The following GRID2IP variants were observed in gnomAD, a reference collection of about 807,000 sequenced individuals.
GRID2IP encodes delphilin.
GRID2IP carries 78 observed loss-of-function variants against 114.3 expected under a neutral mutation model. That is an observed-to-expected ratio of 0.68 (90% CI 0.57 to 0.82). The LOEUF (loss-of-function observed/expected upper bound fraction) is 0.82. Among genes scored for constraint, GRID2IP ranks in the 40% least tolerant of loss-of-function variants. GRID2IP has a pLI of 0.00. For missense variants in GRID2IP, 1,727 were observed against 1,678.5 expected (o/e 1.03, Z -0.51); for synonymous variants, 809 against 724.0 (o/e 1.12, Z -1.89).
At chr7:6,497,970 CCT>C in intron 21 of GRID2IP, 92 bp downstream of exon 21, 1 of 1,425,452 alleles carries the variant, frequency 7.0e-7, no homozygotes, top group Non-Finnish European at 9.5e-7. Flanking sequence ...CACTGGAGCC[CCT>C]TTCCCAGCCC....
At position 6,512,231 on chromosome 7, in the gene GRID2IP, C is replaced by CTTTTTTTTTTTTTTTTTT. The variant is rs1002835555; in HGVS notation, c.1424-1210_1424-1193dup. On this transcript the variant is annotated intron_variant, in intron 8 of 21. Coordinates refer to ENST00000457091, the MANE Select transcript of GRID2IP (RefSeq NM_001145118.2). ...CACACCTGCCTTTTTTTCTTTTCTTCTTTTTTTTTTTTTTTTTTGTGACAG... is the reference window on the plus strand; with the variant it reads ...CACACCTGCCTTTTTTTCTTTTCTTCTTTTTTTTTTTTTTTTTTTTTTTTTTTTTTTTTTTTGTGACAG... 3.3e-3 allele frequency among the ~76,000 whole-genome samples: 301 copies of CTTTTTTTTTTTTTTTTTT among 90,182 alleles called. 39 individuals carry two copies. The highest frequency in any genetic ancestry group is 0.01 in the African/African-American group (226 of 21,700). The allele number at this position is 90,182 out of a possible 152,430, so 59.2% of individuals were successfully genotyped here. A position where few individuals can be genotyped will look rare whatever the true frequency, so the allele number is the denominator to read the frequency against.
At position 6,505,961 on chromosome 7, in the gene GRID2IP, G is replaced by T. The variant is rs1056440029; in HGVS notation, c.2545-54C>A. 4.0e-6 allele frequency: 5 copies of T among 1,259,502 alleles called. No individual in the cohort carries two copies. In the Admixed American group the frequency reaches 6.0e-5, roughly 15 times the overall value. The allele number at this position is 1,259,502 out of a possible 1,614,324, so 78.0% of individuals were successfully genotyped here. On this transcript the variant is annotated intron_variant, in intron 13 of 21. Coordinates refer to ENST00000457091, the MANE Select transcript of GRID2IP (RefSeq NM_001145118.2). ...AGGAGGAGCAGCAGCAGCTGGACTG[G>T]CCTCCCACTTCCCACCCTCTGAGGG...
chr7:6,526,267 T>G lies in GRID2IP; in HGVS notation c.876A>C (p.Thr292=). 1 of 1,551,860 alleles carries G rather than the reference T, an allele frequency of 6.4e-7. No individual in the cohort carries two copies. The highest frequency in any genetic ancestry group is 8.7e-7 in the Non-Finnish European group (1 of 1,147,012). Residue 292 remains threonine (T), a synonymous_variant, in exon 4 of 22, where the codon ACA becomes ACC. Transcript: ENST00000457091. This position sits in a 1 kb window ranked among gnomAD's most constrained non-coding sequence, Gnocchi z 7.6. ...TCCAGACAGGCCCGTGGCCGCGAAG[T>G]GTGAAGCCGAAGCTCTTGTTGCCTT... The part of the protein sequence containing the change: ...VYKGNKSFGF[T]LRGHGPVWIE...
In GRID2IP at chr7:6,502,877, G is replaced by A; in HGVS notation, c.3064-5C>T. 1 of 1,550,994 alleles carries A rather than the reference G, an allele frequency of 6.4e-7. No homozygotes were observed. Among genetic ancestry groups the A allele is most frequent in the Non-Finnish European group, 8.7e-7 (1 of 1,146,254 alleles). On this transcript the variant is annotated splice_polypyrimidine_tract_variant and splice_region_variant and intron_variant, in intron 17 of 21. Transcript: ENST00000457091. ...GTTGCCCATGGCCAACACAAACTGT[G>A]GACAAGAAGGTGGGTAGGTCCTGTC...
chr7:6,497,935 C>T, intron 21 of GRID2IP, 90 bp from the exon 22 acceptor site: 1 of 1,410,240 alleles, frequency 7.1e-7, no homozygotes, highest in Non-Finnish European at 9.7e-7. Flanking sequence ...GACAGCCCAT[C>T]AGGGGGTTAG....
Position 6,498,138 on chromosome 7 carries a change from A to G in GRID2IP, c.3490T>C (p.Phe1164Leu). The G allele has an allele frequency of 6.4e-7, 1 of 1,551,678 alleles. No homozygotes were observed. Among genetic ancestry groups the G allele is most frequent in the Non-Finnish European group, 8.7e-7 (1 of 1,146,942 alleles). ...MEELGKALAFFGEDSKATTSE... is the reference protein window; with the variant it reads ...MEELGKALAFLGEDSKATTSE... ...GTGGTGGCCTTGGAATCCTCCCCAA[A>G]GAAGGCCAGCGCCTTGCCCAGCTCC... The change falls in exon 21 of 22, where the codon TTT becomes CTT. Residue 1164 changes from phenylalanine (F) to leucine (L), a missense_variant. Transcript: ENST00000457091.
Position 6,497,668 on chromosome 7 carries a change from T to C in GRID2IP, c.*106A>G, listed in dbSNP as rs1786292328. 3.9e-6 allele frequency: 3 copies of C among 773,258 alleles called. No homozygotes were observed. Among genetic ancestry groups the C allele is most frequent in the Admixed American group, 2.9e-5 (1 of 34,392 alleles). The allele number at this position is 773,258 out of a possible 1,614,324, so 47.9% of individuals were successfully genotyped here. ...GTAGCTGCAGGAGAGGCTGGCGGTG[T>C]GCTCAGAGCCCGGGGCACAGTGGCC... On this transcript the variant is annotated 3_prime_UTR_variant, in exon 22 of 22. Coordinates refer to ENST00000457091, the MANE Select transcript of GRID2IP (RefSeq NM_001145118.2).
At position 6,519,480 on chromosome 7, in the gene GRID2IP, A is replaced by G. The variant is rs1221654489; in HGVS notation, c.1268+1098T>C. On this transcript the variant is annotated intron_variant, in intron 7 of 21. Coordinates refer to ENST00000457091, the MANE Select transcript of GRID2IP (RefSeq NM_001145118.2). This position sits in a 1 kb window ranked among gnomAD's most constrained non-coding sequence, Gnocchi z 4.1. ...TTAAAAAACAAAACCAAACCAGGCC[A>G]GGTGCGGTGACTCATGCCTGTAATC... 6.6e-6 allele frequency among the ~76,000 whole-genome samples: 1 copy of G among 152,102 alleles called. No homozygotes were observed. The highest frequency in any genetic ancestry group is 2.4e-5 in the African/African-American group (1 of 41,448).
Position 6,507,990 on chromosome 7 carries a change from C to T in GRID2IP, c.2539G>A (p.Gly847Ser). 1.3e-6 allele frequency: 2 copies of T among 1,550,032 alleles called. No homozygotes were observed. The highest frequency in any genetic ancestry group is 1.7e-6 in the Non-Finnish European group (2 of 1,146,792). ...CTGGGTCCCAGGTCACCTACCTGAC[C>T]CCAGATGGTGCCTTCTGAGTTCTCC... ...QVENSEGTIW[G>S]QLGEDSDYDK... is the part of the protein sequence containing the mutation. The change falls in exon 13 of 22, where the codon GGT becomes AGT. Residue 847 changes from glycine (G) to serine (S), a missense_variant. Physicochemically the swap from Gly to Ser is moderately conservative, Grantham distance 56. Transcript: ENST00000457091. The surrounding 1 kb of genome is among the most constrained non-coding windows in gnomAD (Gnocchi z 5.3).
rs780273910 is a variant in GRID2IP, at chr7:6,507,154, G to A, written c.2544+831C>T. Among the ~76,000 whole-genome samples the A allele has an allele frequency of 6.6e-6, 1 of 152,230 alleles. No individual in the cohort carries two copies. The highest frequency in any genetic ancestry group is 1.5e-5 in the Non-Finnish European group (1 of 68,046). On this transcript the variant is annotated intron_variant, in intron 13 of 21. Transcript: ENST00000457091. The surrounding 1 kb of genome is among the most constrained non-coding windows in gnomAD (Gnocchi z 5.3). ...CTATTGATCCCAAGAAGATGGAGTT[G>A]AGGATGATGGTGATCATGAGCACTG...
Position 6,507,896 on chromosome 7 carries a change from A to G in GRID2IP, c.2544+89T>C. 6.7e-7 allele frequency: 1 copy of G among 1,503,342 alleles called. No individual in the cohort carries two copies. The highest frequency in any genetic ancestry group is 8.9e-7 in the Non-Finnish European group (1 of 1,124,250). The allele number at this position is 1,503,342 out of a possible 1,614,324, so 93.1% of individuals were successfully genotyped here. ...TTGGGGTAGGGAGGATGATGTTGGA[A>G]GATGCCTGGCCGATGGGTTTTCCTT... On this transcript the variant is annotated intron_variant, in intron 13 of 21. Coordinates refer to ENST00000457091, the MANE Select transcript of GRID2IP (RefSeq NM_001145118.2). This position sits in a 1 kb window ranked among gnomAD's most constrained non-coding sequence, Gnocchi z 5.3.
rs1335923641 is a variant in GRID2IP at position 6,528,473 on chromosome 7, G to A, written c.585-1704C>T. On this transcript the variant is annotated intron_variant, in intron 2 of 21. Coordinates refer to ENST00000457091, the MANE Select transcript of GRID2IP (RefSeq NM_001145118.2). This position sits in a 1 kb window ranked among gnomAD's most constrained non-coding sequence, Gnocchi z 6.0. Reference sequence around the variant, plus strand: ...ACTTCAGCGCTCAGCACTGTGGCAGGACCTCTAACAAGAGCCCCTGAAGGT... The same window carrying A: ...ACTTCAGCGCTCAGCACTGTGGCAGAACCTCTAACAAGAGCCCCTGAAGGT... 2.0e-5 allele frequency among the ~76,000 whole-genome samples: 3 copies of A among 152,192 alleles called. No individual in the cohort carries two copies. The highest frequency in any genetic ancestry group is 4.4e-5 in the Non-Finnish European group (3 of 68,036).
At chr7:6,544,265 TTTTC>T (rs1779853058) in intron 1 of GRID2IP, among the ~76,000 whole-genome samples, 1 of 146,492 alleles carries the variant, frequency 6.8e-6, no homozygotes, top group Admixed American at 7.0e-5. Flanking sequence ...AAATGCATGG[TTTTC>T]TTTTTCTTTT....
intron 1 of GRID2IP, among the ~76,000 whole-genome samples, chr7:6,547,382 T>A (rs76769585): frequency 7.3e-6 from 1 of 136,912 alleles, no homozygotes; most frequent in Non-Finnish European, 1.6e-5. Context: ...CTCCCCAGTC[T>A]TTTTTTTTTT....
At chr7:6,513,250 C>CTT (rs934037162) in intron 8 of GRID2IP, among the ~76,000 whole-genome samples, 1 of 146,250 alleles carries the variant, frequency 6.8e-6, no homozygotes. Flanking sequence ...TTTTTCTTTC[C>CTT]TTTTTTTTTT....
rs149208077 is a variant in GRID2IP, at chr7:6,525,303, G to C, written c.919+921C>G. Reference sequence around the variant, plus strand: ...GCCTGGTCAACAAGAGCAAAACTCTGTCTCAAAAAATTAAATTAAATAAAA... The same window carrying C: ...GCCTGGTCAACAAGAGCAAAACTCTCTCTCAAAAAATTAAATTAAATAAAA... On this transcript the variant is annotated intron_variant, in intron 4 of 21. Coordinates refer to ENST00000457091, the MANE Select transcript of GRID2IP (RefSeq NM_001145118.2). Among the ~76,000 whole-genome samples, 639 of 151,798 alleles carry C rather than the reference G, an allele frequency of 4.2e-3. 2 individuals are homozygous for C. Among genetic ancestry groups the C allele is most frequent in the African/African-American group, 0.015 (604 of 41,438 alleles).
Position 6,521,142 on chromosome 7 carries a change from T to C in GRID2IP, c.1084+287A>G, listed in dbSNP as rs778642142. Among the ~76,000 whole-genome samples the C allele has an allele frequency of 1.4e-4, 22 of 152,122 alleles. No homozygotes were observed. The highest frequency in any genetic ancestry group is 2.6e-4 in the Admixed American group (4 of 15,278). ...CGTGCCATCACGCCCAGCTAGTTTT[T>C]GTATTTTTAGTAGAGACAGAGTTGT... On this transcript the variant is annotated intron_variant, in intron 6 of 21. Transcript: ENST00000457091. The surrounding 1 kb of genome is among the most constrained non-coding windows in gnomAD (Gnocchi z 4.1).
At chr7:6,504,463 G>C (rs933181704) in intron 15 of GRID2IP, among the ~76,000 whole-genome samples, 1 of 151,808 alleles carries the variant, frequency 6.6e-6, no homozygotes, top group African/African-American at 2.4e-5. Flanking sequence ...GGGTGAGGAC[G>C]GGGTTCTCGA....
At chr7:6,537,424 C>T (rs1364257525) in intron 2 of GRID2IP, among the ~76,000 whole-genome samples, 65 of 113,840 alleles carry the variant, frequency 5.7e-4, no homozygotes, top group African/African-American at 2.2e-3. Flanking sequence ...GTTGGCAGGG[C>T]TGGAGTGCAG....
Sources: allele counts gnomAD v4.1 joint callset (sites outside exome capture counted in the v4.1 genomes callset), GRCh38; gene constraint gnomAD v4.1.1; non-coding constraint Gnocchi (gnomAD v3.1); transcripts MANE v1.5; gene names NCBI Gene and HGNC (gene_info 2026-07-23, HGNC 2026-07-21).